Variants in RPS6KA6 observed in about 807,000 individuals in gnomAD.
RPS6KA6 encodes ribosomal protein S6 kinase A6.
Under a neutral mutation model 65.4 loss-of-function variants are expected in RPS6KA6, and 27 were observed. The ratio of observed to expected loss-of-function variants is 0.41; its 90% confidence interval spans 0.30 to 0.57. RPS6KA6 has a LOEUF of 0.57. RPS6KA6 is among the 20% of genes least tolerant of loss of function. RPS6KA6 has a pLI of 0.24. For synonymous variants in RPS6KA6, 190 were observed against 184.2 expected, an observed-to-expected ratio of 1.03 and a Z score of -0.26; for missense variants, 486 against 555.6, an observed-to-expected ratio of 0.87 and a Z score of 1.26.
Position 84,062,603 on chromosome X carries a change from T to C in RPS6KA6, c.*1674A>G, listed in dbSNP as rs764654848. Reference sequence around the variant, plus strand: ...TAAATTGTTATTTAATCTCTTTCAATTATTTCCAAAAGATACCTCAAAATA... The same window carrying C: ...TAAATTGTTATTTAATCTCTTTCAACTATTTCCAAAAGATACCTCAAAATA... On this transcript the variant is annotated 3_prime_UTR_variant, in exon 22 of 22. Transcript: ENST00000262752. 9.0e-6 allele frequency: 1 copy of C among 111,719 alleles called. No individual in the cohort carries two copies. Among genetic ancestry groups the C allele is most frequent in the East Asian group, 2.8e-4 (1 of 3,576 alleles). 9.2% of individuals were successfully genotyped at this position (111,719 alleles called of 1,213,427 possible).
At chrX:84,083,828 A>T (rs997775853) in intron 20 of RPS6KA6, among the ~76,000 whole-genome samples, 2 of 112,191 alleles carry the variant, frequency 1.8e-5, no homozygotes, top group Non-Finnish European at 3.8e-5. Flanking sequence ...ACAAATTTAC[A>T]TTCCAACCAA....
chrX:84,163,990 G>A (rs2035558528), intron 2 of RPS6KA6, among the ~76,000 whole-genome samples: 1 of 112,148 alleles, frequency 8.9e-6, no homozygotes, highest in African/African-American at 3.2e-5. Flanking sequence ...TGAGGTTGAA[G>A]ATAATCTTCT....
intron 20 of RPS6KA6, among the ~76,000 whole-genome samples, chrX:84,087,785 C>T (rs1006956287): frequency 4.5e-5 from 5 of 111,666 alleles, no homozygotes; most frequent in African/African-American, 1.3e-4. Flanking sequence ...CATCTCTTTC[C>T]GGTACCCCAA....
chrX:84,140,266 G>C (rs2035071449), intron 6 of RPS6KA6, among the ~76,000 whole-genome samples: 1 of 111,106 alleles, frequency 9.0e-6, no homozygotes, highest in African/African-American at 3.3e-5. Context: ...TTCAGTAGTG[G>C]AGCAAAATTA....
intron 20 of RPS6KA6, among the ~76,000 whole-genome samples, chrX:84,079,164 G>T (rs2033729782): frequency 9.0e-6 from 1 of 110,824 alleles, no homozygotes; most frequent in Non-Finnish European, 1.9e-5. Flanking sequence ...CCCACAGAGG[G>T]CGAGCTGAAG....
At chrX:84,152,245 A>T (rs2147571299) in intron 3 of RPS6KA6, among the ~76,000 whole-genome samples, 1 of 110,706 alleles carries the variant, frequency 9.0e-6, no homozygotes, top group South Asian at 3.9e-4. Flanking sequence ...TCCTAGCATG[A>T]GAAAATATCG....
At chrX:84,144,759 A>C (rs2035170546) in intron 6 of RPS6KA6, among the ~76,000 whole-genome samples, 1 of 111,046 alleles carries the variant, frequency 9.0e-6, no homozygotes, top group Non-Finnish European at 1.9e-5. Flanking sequence ...AATATCAAAA[A>C]CTGCAATGAC....
chrX:84,067,816 T>C (rs1440553416), intron 20 of RPS6KA6, among the ~76,000 whole-genome samples: 4 of 110,915 alleles, frequency 3.6e-5, no homozygotes, highest in Non-Finnish European at 7.6e-5. Flanking sequence ...CACATAATCA[T>C]CAGATACTCC....
intron 1 of RPS6KA6, among the ~76,000 whole-genome samples, chrX:84,182,053 TCTCTCTCTCTCACACACA>T (rs1416992197): frequency 8.6e-5 from 8 of 93,250 alleles, no homozygotes; most frequent in African/African-American, 2.6e-4. Flanking sequence ...TCTCTCTCTC[TCTCTCTCTCTCACACACA>T]CACACACACA....
intron 6 of RPS6KA6, among the ~76,000 whole-genome samples, chrX:84,143,588 A>G (rs912412236): frequency 9.0e-6 from 1 of 111,669 alleles, no homozygotes; most frequent in Admixed American, 9.5e-5. Flanking sequence ...AAAAGACTCA[A>G]TATTACTAAA....
intron 6 of RPS6KA6, among the ~76,000 whole-genome samples, chrX:84,142,097 T>C (rs2035115252): frequency 9.0e-6 from 1 of 111,153 alleles, no homozygotes. Context: ...ACATGGAACA[T>C]TTACCAAGAT....
chrX:84,125,304 A>G (rs1333925818), intron 8 of RPS6KA6, among the ~76,000 whole-genome samples: 2 of 112,239 alleles, frequency 1.8e-5, no homozygotes, highest in Non-Finnish European at 3.8e-5. Flanking sequence ...AAGTAGAAAG[A>G]CTAAATGATG....
intron 2 of RPS6KA6, among the ~76,000 whole-genome samples, chrX:84,158,645 G>A (rs2035455056): frequency 9.0e-6 from 1 of 110,833 alleles, no homozygotes; most frequent in Admixed American, 9.6e-5. Flanking sequence ...AGTATGTGTT[G>A]TACTCAACAC....
At position 84,120,539 on chromosome X, in the gene RPS6KA6, T is replaced by C. The variant is rs1027899541; in HGVS notation, c.647-512A>G. On this transcript the variant is annotated intron_variant, in intron 8 of 21. Transcript: ENST00000262752. ...GACGAAATTTAAAAAGTACCATTTA[T>C]AATACCACCAAAAATATCAAACATG... 4.6e-4 allele frequency among the ~76,000 whole-genome samples: 51 copies of C among 111,425 alleles called. 1 individual carries two copies. The highest frequency in any genetic ancestry group is 7.6e-5 in the Non-Finnish European group (4 of 52,979).
At chrX:84,076,663 T>A (rs2033669626) in intron 20 of RPS6KA6, among the ~76,000 whole-genome samples, 1 of 111,281 alleles carries the variant, frequency 9.0e-6, no homozygotes, top group Non-Finnish European at 1.9e-5. Flanking sequence ...ATTAGAAGCA[T>A]CCATATAAAA....
intron 1 of RPS6KA6, among the ~76,000 whole-genome samples, chrX:84,174,934 T>C (rs1482546180): frequency 8.9e-6 from 1 of 111,737 alleles, no homozygotes; most frequent in Non-Finnish European, 1.9e-5. Flanking sequence ...ATAAAATAAC[T>C]TCAATAATAA....
At position 84,062,852 on chromosome X, in the gene RPS6KA6, T is replaced by C. The variant is rs1367939362; in HGVS notation, c.*1425A>G. The C allele has an allele frequency of 1.8e-5, 2 of 110,917 alleles. No homozygotes were observed. The highest frequency in any genetic ancestry group is 5.6e-4 in the East Asian group (2 of 3,556). 9.1% of individuals were successfully genotyped at this position (110,917 alleles called of 1,213,427 possible). A position where few individuals can be genotyped will look rare whatever the true frequency, so the allele number is the denominator to read the frequency against. On this transcript the variant is annotated 3_prime_UTR_variant, in exon 22 of 22. Coordinates refer to ENST00000262752, the MANE Select transcript of RPS6KA6 (RefSeq NM_014496.5). ...TAGTACACCTAACACGCACAAGTAG[T>C]TCACTTATATTCACTAAAGAAAACT...
In RPS6KA6 at chrX:84,151,140, G is replaced by GATATATAGATATATATAGGAT. The variant is rs1555956430; in HGVS notation, c.259-3038_259-3018dup. Among the ~76,000 whole-genome samples the GATATATAGATATATATAGGAT allele has an allele frequency of 2.0e-3, 185 of 92,601 alleles. 3 individuals carry two copies. Among genetic ancestry groups the GATATATAGATATATATAGGAT allele is most frequent in the African/African-American group, 7.5e-3 (176 of 23,619 alleles). The allele number at this position is 92,601 out of a possible 115,157, so 80.4% of individuals were successfully genotyped here. On this transcript the variant is annotated intron_variant, in intron 3 of 21. Transcript: ENST00000262752. Reference sequence around the variant, plus strand: ...ATATAGGATATATATAGATATATAGGATATATAGATATATATAGGATATAT... The same window carrying GATATATAGATATATATAGGAT: ...ATATAGGATATATATAGATATATAGGATATATAGATATATATAGGATATATATAGATATATATAGGATATAT...
intron 3 of RPS6KA6, among the ~76,000 whole-genome samples, chrX:84,150,726 A>G (rs772012032): frequency 1.9e-5 from 2 of 107,529 alleles, no homozygotes; most frequent in African/African-American, 3.4e-5. Context: ...CATAACAGAT[A>G]TAACAGTAAG....
Sources: allele counts gnomAD v4.1 joint callset (sites outside exome capture counted in the v4.1 genomes callset), GRCh38; gene constraint gnomAD v4.1.1; transcripts MANE v1.5; gene names NCBI Gene and HGNC (gene_info 2026-07-23, HGNC 2026-07-21).